FRK: variants seen among roughly 807,000 people sequenced by gnomAD.
FRK encodes fyn related Src family tyrosine kinase, also known as tyrosine-protein kinase FRK.
FRK carries 51 observed loss-of-function variants against 56.4 expected under a neutral mutation model. The observed-to-expected ratio is 0.90, with a 90% CI of 0.72 to 1.14. The LOEUF (loss-of-function observed/expected upper bound fraction) is 1.14. FRK is among the 50% of genes most tolerant of loss of function. The probability of loss-of-function intolerance (pLI) is 0.00; values close to 1 mark genes in which losing one functional copy is unlikely to be tolerated. For missense variants in FRK, 570 were observed against 601.4 expected, an observed-to-expected ratio of 0.95 and a Z score of 0.55; for synonymous variants, 245 against 217.9, an observed-to-expected ratio of 1.12 and a Z score of -1.10.
the FRK span, among the ~76,000 whole-genome samples, chr6:116,081,121 G>C: frequency 6.6e-6 from 1 of 152,144 alleles, no homozygotes; most frequent in Non-Finnish European, 1.5e-5. Context: ...ACTATCTCGA[G>C]AACAGCATAG....
chr6:115,971,476 A>G (rs1383558162), intron 2 of FRK, among the ~76,000 whole-genome samples: 2 of 152,216 alleles, frequency 1.3e-5, no homozygotes, highest in Non-Finnish European at 2.9e-5. Context: ...CCTTTCTAAC[A>G]CAGCATCAAC....
Position 115,947,279 on chromosome 6 carries a change from A to T in FRK, c.959-2854T>A, listed in dbSNP as rs1313140129. Among the ~76,000 whole-genome samples the T allele has an allele frequency of 3.9e-5, 6 of 152,110 alleles. No homozygotes were observed. The South Asian group carries it at 1.0e-3, about 26-fold the overall frequency. On this transcript the variant is annotated intron_variant, in intron 5 of 7. Coordinates refer to ENST00000606080, the MANE Select transcript of FRK (RefSeq NM_002031.3). Reference sequence around the variant, plus strand: ...ATATTTTTAATAAAAAATGAAATAAATAGAGTCAAAAGAATTTTTTAAGGG... The same window carrying T: ...ATATTTTTAATAAAAAATGAAATAATTAGAGTCAAAAGAATTTTTTAAGGG...
rs992042219 is a variant in FRK at position 115,933,595 on chromosome 6, A to G, written c.*8819T>C. ...AAGGATAAACTTCTTTTCATATTTC[A>G]AAATCAGATCTTACTTAAAAATTTA... On this transcript the variant is annotated 3_prime_UTR_variant, in exon 8 of 8. Transcript: ENST00000606080. The G allele has an allele frequency of 2.0e-5, 3 of 152,226 alleles. No individual in the cohort carries two copies. Among genetic ancestry groups the G allele is most frequent in the Admixed American group, 6.5e-5 (1 of 15,288 alleles). The allele number at this position is 152,226 out of a possible 1,614,324, so 9.4% of individuals were successfully genotyped here.
At chr6:115,983,706 T>A (rs1774289836) in intron 2 of FRK, among the ~76,000 whole-genome samples, 1 of 152,114 alleles carries the variant, frequency 6.6e-6, no homozygotes, top group African/African-American at 2.4e-5. Flanking sequence ...CATTATACGC[T>A]ATCAATTTGT....
intron 2 of FRK, among the ~76,000 whole-genome samples, chr6:115,969,990 GA>G (rs1352585899): frequency 1.3e-5 from 2 of 152,188 alleles, no homozygotes; most frequent in African/African-American, 4.8e-5. Flanking sequence ...TTTATCACCA[GA>G]ATGCTATTCT....
chr6:115,942,531 C>T lies in FRK; in HGVS notation c.1401G>A (p.Leu467=). Residue 467 remains leucine, a synonymous_variant, in exon 8 of 8, where the codon TTG becomes TTA. Transcript: ENST00000606080. The part of the protein sequence containing the change: ...NCPQQFYNIM[L]ECWNAEPKER... ...CCTTAGGCTCTGCATTCCAGCACTC[C>T]AACATGATGTTGTAAAATTGCTGTG... is the stretch of plus-strand genomic sequence containing the variant. The T allele has an allele frequency of 6.2e-7, 1 of 1,613,744 alleles. No individual in the cohort carries two copies. Among genetic ancestry groups the T allele is most frequent in the Non-Finnish European group, 8.5e-7 (1 of 1,179,772 alleles).
chr6:116,036,645 C>T (rs1208687394), intron 1 of FRK, among the ~76,000 whole-genome samples: 2 of 152,030 alleles, frequency 1.3e-5, no homozygotes, highest in Non-Finnish European at 2.9e-5. Context: ...TCTTCCCTTG[C>T]TTTTGAGAAA....
intron 3 of FRK, 38 bp downstream of exon 3, chr6:115,968,538 A>G: frequency 6.3e-7 from 1 of 1,583,540 alleles, no homozygotes; most frequent in Non-Finnish European, 8.6e-7. Context: ...GAAAAAAGTT[A>G]ACTTCAATAA....
rs745891091 is a variant in FRK at position 115,942,641 on chromosome 6, C to G, written c.1307-16G>C. 1 of 1,597,510 alleles carries G rather than the reference C, an allele frequency of 6.3e-7. No homozygotes were observed. Among genetic ancestry groups the G allele is most frequent in the South Asian group, 1.1e-5 (1 of 90,504 alleles). On this transcript the variant is annotated splice_polypyrimidine_tract_variant and intron_variant, in intron 7 of 7. Coordinates refer to ENST00000606080, the MANE Select transcript of FRK (RefSeq NM_002031.3). ...CCTGTCATACCTTGAAAATACAGAACGAAACCAACAACAACAAAAAAAACA... is the reference window on the plus strand; with the variant it reads ...CCTGTCATACCTTGAAAATACAGAAGGAAACCAACAACAACAAAAAAAACA...
At chr6:116,079,259 C>A in the FRK span, among the ~76,000 whole-genome samples, 1 of 152,138 alleles carries the variant, frequency 6.6e-6, no homozygotes, top group South Asian at 2.1e-4. Flanking sequence ...TTTTGCCAAT[C>A]TGATGGATTA....
intron 1 of FRK, among the ~76,000 whole-genome samples, chr6:116,010,532 A>G (rs922560188): frequency 3.3e-5 from 5 of 152,224 alleles, no homozygotes; most frequent in African/African-American, 1.2e-4. Context: ...ATGAATGAGC[A>G]GCGAAACAGA....
At chr6:116,038,739 A>G (rs188082628) in intron 1 of FRK, 204 of 470,456 alleles carry the variant, frequency 4.3e-4, no homozygotes, top group African/African-American at 3.5e-3. Flanking sequence ...GACCTTCAGC[A>G]CCTCAGCTCC....
In FRK at chr6:115,968,731, C is replaced by T. The variant is rs764998466; in HGVS notation, c.475G>A (p.Gly159Arg). The change falls in exon 3 of 8, where the codon GGA becomes AGA. Residue 159 changes from glycine to arginine, a missense_variant. Coordinates refer to ENST00000606080, the MANE Select transcript of FRK (RefSeq NM_002031.3). ...ATTCTGTAGTGTTTTACAACTGCTC[C>T]ATCTAAAACTGGAACCCAAAATAAT... Reference protein sequence around the residue: ...KGEFSLSVLDGAVVKHYRIKR... With the variant: ...KGEFSLSVLDRAVVKHYRIKR... The T allele has an allele frequency of 1.2e-6, 2 of 1,610,574 alleles. No homozygotes were observed. Among genetic ancestry groups the T allele is most frequent in the Non-Finnish European group, 1.7e-6 (2 of 1,178,754 alleles).
Position 115,942,569 on chromosome 6 carries a change from G to T in FRK, c.1363C>A (p.Pro455Thr). The T allele has an allele frequency of 2.5e-6, 4 of 1,613,768 alleles. No individual in the cohort carries two copies. The highest frequency in any genetic ancestry group is 3.4e-6 in the Non-Finnish European group (4 of 1,179,794). ...TAAAATTGCTGTGGACAGTTGGATGGTTGCGGAAGTCTATAGTTTTGAGCC... is the reference window on the plus strand; with the variant it reads ...TAAAATTGCTGTGGACAGTTGGATGTTTGCGGAAGTCTATAGTTTTGAGCC... ...MLAQNYRLPQPSNCPQQFYNI... is the reference protein window; with the variant it reads ...MLAQNYRLPQTSNCPQQFYNI... Residue 455 changes from proline (P) to threonine (T), a missense_variant, in exon 8 of 8, where the codon CCA becomes ACA. Pro to Thr is a conservative substitution (Grantham distance 38). Coordinates refer to ENST00000606080, the MANE Select transcript of FRK (RefSeq NM_002031.3).
chr6:116,074,152 A>T, the FRK span, among the ~76,000 whole-genome samples: 2 of 152,216 alleles, frequency 1.3e-5, no homozygotes, highest in Non-Finnish European at 1.5e-5. Context: ...GAAGTCCTCC[A>T]CAGGTCTGAC....
rs1772031785 is a variant in FRK, at chr6:115,935,733, G to A, written c.*6681C>T. On this transcript the variant is annotated 3_prime_UTR_variant, in exon 8 of 8. Coordinates refer to ENST00000606080, the MANE Select transcript of FRK (RefSeq NM_002031.3). ...TCACAGTCTAAACAAAGCTGCCTGGGAGTTCGAATTGGGTAGAGCCCACCA... is the reference window on the plus strand; with the variant it reads ...TCACAGTCTAAACAAAGCTGCCTGGAAGTTCGAATTGGGTAGAGCCCACCA... 6.6e-6 allele frequency: 1 copy of A among 152,246 alleles called. No homozygotes were observed. The highest frequency in any genetic ancestry group is 1.5e-5 in the Non-Finnish European group (1 of 68,086). 9.4% of individuals were successfully genotyped at this position (152,246 alleles called of 1,614,324 possible).
chr6:116,058,523 C>A (rs1777480195), intron 1 of FRK, among the ~76,000 whole-genome samples: 1 of 152,120 alleles, frequency 6.6e-6, no homozygotes, highest in Non-Finnish European at 1.5e-5. Flanking sequence ...TTCCCTGGAC[C>A]AGTAAGGGAC....
At position 115,940,923 on chromosome 6, in the gene FRK, T is replaced by C. The variant is rs1489983506; in HGVS notation, c.*1491A>G. The C allele has an allele frequency of 6.6e-6, 1 of 152,238 alleles. No homozygotes were observed. The highest frequency in any genetic ancestry group is 1.5e-5 in the Non-Finnish European group (1 of 68,038). 9.4% of individuals were successfully genotyped at this position (152,238 alleles called of 1,614,324 possible). On this transcript the variant is annotated 3_prime_UTR_variant, in exon 8 of 8. Coordinates refer to ENST00000606080, the MANE Select transcript of FRK (RefSeq NM_002031.3). Reference sequence around the variant, plus strand: ...GTGGGAGTATAAATTAGTTCAACCATTGTGGAGGACAGTGTAGCAATTCCT... The same window carrying C: ...GTGGGAGTATAAATTAGTTCAACCACTGTGGAGGACAGTGTAGCAATTCCT...
At chr6:115,949,561 T>C (rs1042125579) in intron 5 of FRK, among the ~76,000 whole-genome samples, 3 of 152,216 alleles carry the variant, frequency 2.0e-5, no homozygotes, top group African/African-American at 7.2e-5. Flanking sequence ...AAATATTCCA[T>C]GCTCACAGAT....
Sources: allele counts gnomAD v4.1 joint callset (sites outside exome capture counted in the v4.1 genomes callset), GRCh38; gene constraint gnomAD v4.1.1; transcripts MANE v1.5; gene names NCBI Gene and HGNC (gene_info 2026-07-23, HGNC 2026-07-21).